The following PCDHGA1 variants were observed in gnomAD, a reference collection of about 807,000 sequenced individuals.
PCDHGA1 encodes the protein protocadherin gamma subfamily A, 1, also known as protocadherin gamma-A1.
Under a neutral mutation model 58.0 loss-of-function variants are expected in PCDHGA1, and 32 were observed. The observed-to-expected ratio is 0.55, with a 90% CI of 0.42 to 0.74. PCDHGA1 has a LOEUF of 0.74. Among genes scored for constraint, PCDHGA1 ranks in the 30% least tolerant of loss-of-function variants. The pLI, the probability that PCDHGA1 is intolerant of heterozygous loss-of-function variation, is 0.00. For synonymous variants in PCDHGA1, 498 were observed against 501.1 expected, an observed-to-expected ratio of 0.99 and a Z score of 0.08; for missense variants, 1,205 against 1,182.3, an observed-to-expected ratio of 1.02 and a Z score of -0.28.
chr5:141,490,445 A>G lies in PCDHGA1; in HGVS notation c.2422-4362A>G, dbSNP rs2099700298. 6.2e-7 allele frequency: 1 copy of G among 1,614,022 alleles called. No individual in the cohort carries two copies. The highest frequency in any genetic ancestry group is 8.5e-7 in the Non-Finnish European group (1 of 1,180,030). ...CCATTTCAGATTAAGCCTTCTGAGA[A>G]CCACTACTCGCTGCTAACCAGCCAG... On this transcript the variant is annotated intron_variant, in intron 1 of 3. Coordinates refer to ENST00000517417, the MANE Select transcript of PCDHGA1 (RefSeq NM_018912.3). The surrounding 1 kb of genome is among the most constrained non-coding windows in gnomAD (Gnocchi z 5.4).
intron 1 of PCDHGA1, among the ~76,000 whole-genome samples, chr5:141,347,727 C>T (rs1232753863): frequency 6.7e-6 from 1 of 149,396 alleles, no homozygotes; most frequent in Non-Finnish European, 1.5e-5. Flanking sequence ...GCAGAAGTTG[C>T]AGAGAGCCAA....
In PCDHGA1 at chr5:141,476,883, A is replaced by G. The variant is rs1266909654; in HGVS notation, c.2422-17924A>G. ...TTGTACCGGGCGCGCGTCCTGGAGG[A>G]TGCACCCTCCGGCACGCGCGTGGTA... On this transcript the variant is annotated intron_variant, in intron 1 of 3. Coordinates refer to ENST00000517417, the MANE Select transcript of PCDHGA1 (RefSeq NM_018912.3). This position sits in a 1 kb window ranked among gnomAD's most constrained non-coding sequence, Gnocchi z 7.6. 1 of 1,613,916 alleles carries G rather than the reference A, an allele frequency of 6.2e-7. No individual in the cohort carries two copies. The highest frequency in any genetic ancestry group is 8.5e-7 in the Non-Finnish European group (1 of 1,180,026).
chr5:141,418,282 A>T (rs1209026046), intron 1 of PCDHGA1: 2 of 1,614,030 alleles, frequency 1.2e-6, no homozygotes, highest in Non-Finnish European at 1.7e-6. Flanking sequence ...TAAACTTAGA[A>T]ATCAGTGAAT....
chr5:141,438,122 A>T (rs1272350030), intron 1 of PCDHGA1, among the ~76,000 whole-genome samples: 1 of 152,214 alleles, frequency 6.6e-6, no homozygotes, highest in Non-Finnish European at 1.5e-5. Flanking sequence ...CATTCCTAAA[A>T]TATTAATGGC....
At chr5:141,463,784 T>G (rs2099069378) in intron 1 of PCDHGA1, among the ~76,000 whole-genome samples, 1 of 152,194 alleles carries the variant, frequency 6.6e-6, no homozygotes, top group South Asian at 2.1e-4. Context: ...CTGCACTGTC[T>G]TTTGAACAAA....
At position 141,392,979 on chromosome 5, in the gene PCDHGA1, C is replaced by A. The variant is rs1356713892; in HGVS notation, c.2421+59874C>A. 1.9e-6 allele frequency: 3 copies of A among 1,613,718 alleles called. No individual in the cohort carries two copies. In the South Asian group the frequency reaches 3.3e-5, roughly 18 times the overall value. ...TATCTCCAAGGACCTGGGGCTGGACCCCCGGAAGCTGGCGAAGCACGGAGT... is the reference window on the plus strand; with the variant it reads ...TATCTCCAAGGACCTGGGGCTGGACACCCGGAAGCTGGCGAAGCACGGAGT... On this transcript the variant is annotated intron_variant, in intron 1 of 3. Transcript: ENST00000517417.
intron 1 of PCDHGA1, chr5:141,411,305 C>T (rs1317785609): frequency 6.6e-6 from 1 of 152,176 alleles, no homozygotes; most frequent in Non-Finnish European, 1.5e-5. Context: ...CCCAGTGGCT[C>T]ACACCTATAA....
chr5:141,457,694 C>T (rs891323419), intron 1 of PCDHGA1, among the ~76,000 whole-genome samples: 4 of 152,214 alleles, frequency 2.6e-5, no homozygotes, highest in Non-Finnish European at 5.9e-5. Context: ...TTTGGATTGG[C>T]TTTGATGAAA....
At chr5:141,478,269 A>G in intron 1 of PCDHGA1, 1 of 1,614,146 alleles carries the variant, frequency 6.2e-7, no homozygotes, top group Non-Finnish European at 8.5e-7. Flanking sequence ...TTCAAAGTTT[A>G]CAAGTGGAAG....
chr5:141,405,838 T>C (rs1561702145), intron 1 of PCDHGA1, among the ~76,000 whole-genome samples: 4 of 152,300 alleles, frequency 2.6e-5, no homozygotes, highest in Admixed American at 2.0e-4. Flanking sequence ...TAGTATAAGT[T>C]GATATCAGTG....
intron 1 of PCDHGA1, among the ~76,000 whole-genome samples, chr5:141,452,401 G>C (rs2098740635): frequency 6.6e-6 from 1 of 152,134 alleles, no homozygotes. Flanking sequence ...CTAAGATCTG[G>C]GTGTGAGGTA....
chr5:141,404,796 G>T, intron 1 of PCDHGA1: 1 of 1,613,970 alleles, frequency 6.2e-7, no homozygotes, highest in Non-Finnish European at 8.5e-7. Flanking sequence ...AGTGAGCCAG[G>T]GCTCTTCTCG....
At chr5:141,414,564 C>G in intron 1 of PCDHGA1, 1 of 1,613,948 alleles carries the variant, frequency 6.2e-7, no homozygotes, top group East Asian at 2.2e-5. Context: ...CCTACTTTAC[C>G]TATATCCCAG....
intron 1 of PCDHGA1, among the ~76,000 whole-genome samples, chr5:141,381,599 T>C (rs1273652437): frequency 9.9e-5 from 15 of 152,240 alleles, no homozygotes; most frequent in Admixed American, 9.8e-4. Flanking sequence ...CAGTTTCTTA[T>C]GAATTCACAG....
chr5:141,404,545 G>A (rs763601254), intron 1 of PCDHGA1: 1 of 1,613,940 alleles, frequency 6.2e-7, no homozygotes, highest in Admixed American at 1.7e-5. Context: ...TGCAAATGCA[G>A]GTGACGGCAA....
intron 1 of PCDHGA1, chr5:141,441,978 A>T (rs769977785): frequency 9.1e-5 from 26 of 285,248 alleles, no homozygotes; most frequent in Non-Finnish European, 1.8e-4. Flanking sequence ...TCAGCCTGGA[A>T]TGCGCACCGA....
At chr5:141,415,746 T>G (rs766611858) in intron 1 of PCDHGA1, 17 of 662,556 alleles carry the variant, frequency 2.6e-5, no homozygotes, top group East Asian at 1.1e-4. Context: ...TAAGGTTTTT[T>G]TTTTTTTTTT....
intron 1 of PCDHGA1, chr5:141,351,932 G>A: frequency 2.5e-6 from 4 of 1,613,278 alleles, no homozygotes; most frequent in Non-Finnish European, 3.4e-6. Context: ...TGCGCCACGG[G>A]TGCTGTACCC....
At chr5:141,394,847 G>T in intron 1 of PCDHGA1, 1 of 1,613,848 alleles carries the variant, frequency 6.2e-7, no homozygotes, top group South Asian at 1.1e-5. Context: ...TGGGCAGTCT[G>T]AAGCCTTCGG....
Sources: gnomAD v4.1 joint callset for allele counts (sites outside exome capture counted in the v4.1 genomes callset) on GRCh38, gnomAD v4.1.1 for gene constraint, Gnocchi (gnomAD v3.1) non-coding constraint, MANE v1.5 for transcripts, NCBI Gene and HGNC (gene_info 2026-07-23, HGNC 2026-07-21) for gene names.